The following KIAA0825 variants were observed in gnomAD, a reference collection of about 807,000 sequenced individuals.
The protein encoded by KIAA0825 is KIAA0825.
In KIAA0825, 119 loss-of-function variants were observed where a neutral mutation model predicts 147.6. The observed-to-expected ratio is 0.81, with a 90% CI of 0.69 to 0.94. The LOEUF (loss-of-function observed/expected upper bound fraction) is 0.94, where lower values mean the gene tolerates loss of function less well. Ranked by LOEUF, KIAA0825 falls within the 40% of genes least tolerant of loss-of-function variation. KIAA0825 has a pLI of 0.00. For missense variants in KIAA0825, 1,381 were observed against 1,472.7 expected, an observed-to-expected ratio of 0.94 and a Z score of 1.02; for synonymous variants, 470 against 518.1, an observed-to-expected ratio of 0.91 and a Z score of 1.26.
chr5:94,296,702 C>T (rs910848736), intron 20 of KIAA0825, among the ~76,000 whole-genome samples: 1 of 152,086 alleles, frequency 6.6e-6, no homozygotes, highest in African/African-American at 2.4e-5. Context: ...GACATCCCTC[C>T]CCACTTCTGC....
At chr5:94,570,687 G>A (rs1228102280) in intron 2 of KIAA0825, 5 of 152,176 alleles carry the variant, frequency 3.3e-5, no homozygotes, top group Non-Finnish European at 7.3e-5. Flanking sequence ...ACCTGCCCCT[G>A]TAGTATAAAC....
intron 20 of KIAA0825, among the ~76,000 whole-genome samples, chr5:94,371,279 G>C (rs1044190534): frequency 6.6e-6 from 1 of 152,154 alleles, no homozygotes; most frequent in African/African-American, 2.4e-5. Context: ...TTCACTTACA[G>C]TATAAGAAAG....
At chr5:94,218,405 A>G (rs1279618375) in intron 20 of KIAA0825, among the ~76,000 whole-genome samples, 1 of 152,186 alleles carries the variant, frequency 6.6e-6, no homozygotes, top group Non-Finnish European at 1.5e-5. Context: ...TGGGTTAGGG[A>G]TGCCTCTCCA....
At chr5:94,602,126 G>T (rs1327542849) in intron 1 of KIAA0825, among the ~76,000 whole-genome samples, 1 of 152,126 alleles carries the variant, frequency 6.6e-6, no homozygotes, top group East Asian at 1.9e-4. Context: ...AAGGCAGGCG[G>T]ATCATGAGGT....
intron 13 of KIAA0825, among the ~76,000 whole-genome samples, chr5:94,442,765 A>C (rs1757247020): frequency 6.6e-6 from 1 of 152,172 alleles, no homozygotes; most frequent in Non-Finnish European, 1.5e-5. Flanking sequence ...GTGCTAACTT[A>C]AGGATCCATT....
rs150167602 is a variant in KIAA0825, at chr5:94,216,746, C to A, written c.3711-62622G>T. The stretch of plus-strand genomic sequence containing the variant: ...ATGCAGGAGTATTAGACTAGACAAG[C>A]CACAAAGGAACAGGAAATAGCTTCC... On this transcript the variant is annotated intron_variant, in intron 20 of 20. Coordinates refer to ENST00000682413, the MANE Select transcript of KIAA0825 (RefSeq NM_001145678.3). Among the ~76,000 whole-genome samples, 216 of 152,236 alleles carry A rather than the reference C, an allele frequency of 1.4e-3. 1 individual carries two copies. Among genetic ancestry groups the A allele is most frequent in the African/African-American group, 4.7e-3 (195 of 41,550 alleles).
At chr5:94,438,927 A>G (rs1861807) in intron 14 of KIAA0825, among the ~76,000 whole-genome samples, 17,412 of 152,200 alleles carry the variant, frequency 0.11, 1,179 homozygotes, top group East Asian at 0.27. Context: ...GTTCACTATG[A>G]AGTTCAGGGG....
At chr5:94,334,348 A>G (rs1781584417) in intron 20 of KIAA0825, among the ~76,000 whole-genome samples, 1 of 152,278 alleles carries the variant, frequency 6.6e-6, no homozygotes, top group South Asian at 2.1e-4. Context: ...CCTATGCAAA[A>G]CATATCACAT....
chr5:94,583,080 C>G (rs1782529812), intron 1 of KIAA0825, among the ~76,000 whole-genome samples: 2 of 152,004 alleles, frequency 1.3e-5, no homozygotes, highest in Admixed American at 6.5e-5. Flanking sequence ...AGGAACAGCT[C>G]CGGTCTACAG....
At chr5:94,191,361 T>A (rs1450104770) in intron 20 of KIAA0825, among the ~76,000 whole-genome samples, 1 of 152,180 alleles carries the variant, frequency 6.6e-6, no homozygotes, top group Non-Finnish European at 1.5e-5. Flanking sequence ...GGGGCAGGAC[T>A]AAGCACCCAT....
chr5:94,604,146 G>A (rs1787041753), intron 1 of KIAA0825, among the ~76,000 whole-genome samples: 1 of 152,124 alleles, frequency 6.6e-6, no homozygotes, highest in South Asian at 2.1e-4. Context: ...TTGCCACATA[G>A]CACTTACTCT....
At chr5:94,511,228 T>A (rs542172125) in intron 5 of KIAA0825, among the ~76,000 whole-genome samples, 1 of 152,324 alleles carries the variant, frequency 6.6e-6, no homozygotes, top group Non-Finnish European at 1.5e-5. Context: ...GAAATAAATG[T>A]TCGTTGTTAT....
At chr5:94,183,512 A>G (rs1250665235) in intron 20 of KIAA0825, among the ~76,000 whole-genome samples, 2 of 152,116 alleles carry the variant, frequency 1.3e-5, no homozygotes, top group Non-Finnish European at 2.9e-5. Flanking sequence ...TAACTTTAGG[A>G]TGGGGCTGGT....
At chr5:94,442,720 G>C (rs574215149) in intron 13 of KIAA0825, among the ~76,000 whole-genome samples, 3 of 152,098 alleles carry the variant, frequency 2.0e-5, no homozygotes, top group Non-Finnish European at 2.9e-5. Flanking sequence ...CTTGGGTTTT[G>C]AACATTTCCT....
intron 20 of KIAA0825, among the ~76,000 whole-genome samples, chr5:94,293,066 C>T (rs994654670): frequency 1.3e-5 from 2 of 151,724 alleles, no homozygotes; most frequent in Admixed American, 6.6e-5. Flanking sequence ...AAAACAGCTC[C>T]TGGATTCATT....
intron 20 of KIAA0825, among the ~76,000 whole-genome samples, chr5:94,201,866 AGT>A (rs1004608081): frequency 6.6e-6 from 1 of 152,218 alleles, no homozygotes; most frequent in African/African-American, 2.4e-5. Flanking sequence ...GCTAAGGAGC[AGT>A]GTGGGGGTCA....
chr5:94,212,920 A>G (rs968260223), intron 20 of KIAA0825, among the ~76,000 whole-genome samples: 1 of 152,184 alleles, frequency 6.6e-6, no homozygotes, highest in African/African-American at 2.4e-5. Context: ...CCACCTTAAC[A>G]AAGTTTTAAA....
At chr5:94,584,079 G>C (rs879555277) in intron 1 of KIAA0825, among the ~76,000 whole-genome samples, 2 of 152,180 alleles carry the variant, frequency 1.3e-5, no homozygotes, top group African/African-American at 2.4e-5. Flanking sequence ...CAAAGATGGG[G>C]AGAAACTAGA....
intron 2 of KIAA0825, among the ~76,000 whole-genome samples, chr5:94,555,402 C>T (rs545181712): frequency 3.0e-4 from 46 of 152,074 alleles, no homozygotes; most frequent in Admixed American, 5.2e-4. Context: ...CTGCTAATAA[C>T]TGTGGAAGTT....
Sources: allele counts gnomAD v4.1 joint callset (sites outside exome capture counted in the v4.1 genomes callset), GRCh38; gene constraint gnomAD v4.1.1; transcripts MANE v1.5; gene names NCBI Gene and HGNC (gene_info 2026-07-23, HGNC 2026-07-21).